Variants in CSMD3 observed in about 807,000 individuals in gnomAD.
The protein encoded by CSMD3 is CUB and sushi domain-containing protein 3.
In CSMD3, 177 loss-of-function variants were observed where a neutral mutation model predicts 435.2. The observed-to-expected ratio is 0.41, with a 90% confidence interval of 0.36 to 0.46. The LOEUF (loss-of-function observed/expected upper bound fraction) is 0.46, where lower values mean the gene tolerates loss of function less well. CSMD3 is among the 20% of genes least tolerant of loss of function. CSMD3 has a pLI of 0.34. For synonymous variants in CSMD3, 1,656 were observed against 1,520.5 expected (o/e 1.09, Z -2.07); for missense variants, 4,265 against 4,504.6 (o/e 0.95, Z 1.52).
chr8:113,387,158 A>G (rs922820429), intron 1 of CSMD3, among the ~76,000 whole-genome samples: 1 of 151,780 alleles, frequency 6.6e-6, no homozygotes, highest in African/African-American at 2.4e-5. Context: ...TTAATTGCAT[A>G]CATACTTGCT....
At chr8:112,747,268 GTTCAAAT>G (rs1174712451) in intron 13 of CSMD3, among the ~76,000 whole-genome samples, 1 of 121,944 alleles carries the variant, frequency 8.2e-6, no homozygotes, top group Non-Finnish European at 1.6e-5. Context: ...CCCTGGTGAA[GTTCAAAT>G]TTCAATATAC....
chr8:113,064,630 C>A (rs1310356111), intron 5 of CSMD3, among the ~76,000 whole-genome samples: 2 of 152,040 alleles, frequency 1.3e-5, no homozygotes, highest in Admixed American at 1.3e-4. Context: ...AAGATAAGGC[C>A]ACCCAGTGGT....
intron 13 of CSMD3, among the ~76,000 whole-genome samples, chr8:112,790,708 CT>C (rs1235484061): frequency 3.3e-5 from 5 of 152,128 alleles, no homozygotes; most frequent in Non-Finnish European, 7.4e-5. Flanking sequence ...AGTATAACCA[CT>C]TCAACATTTA....
At chr8:112,394,531 A>G (rs1586978184) in intron 35 of CSMD3, among the ~76,000 whole-genome samples, 1 of 152,104 alleles carries the variant, frequency 6.6e-6, no homozygotes, top group South Asian at 2.1e-4. Context: ...CTCATCTCCT[A>G]TCACTCTTTG....
Position 112,255,244 on chromosome 8 carries a change from TTAA to T in CSMD3, c.10036+7_10036+9del. On this transcript the variant is annotated splice_region_variant and intron_variant, in intron 62 of 70. Transcript: ENST00000297405. ...GTTACTGTGCATAATCAGCCTTTAATTAATATTACCTATGCAGTGAGGTGATGA... is the reference window on the plus strand; with the variant it reads ...GTTACTGTGCATAATCAGCCTTTAATTATTACCTATGCAGTGAGGTGATGA... 1 of 1,608,216 alleles carries T rather than the reference TTAA, an allele frequency of 6.2e-7. No homozygotes were observed.
intron 3 of CSMD3, among the ~76,000 whole-genome samples, chr8:113,263,097 G>C (rs1254329266): frequency 6.6e-6 from 1 of 152,028 alleles, no homozygotes; most frequent in Non-Finnish European, 1.5e-5. Context: ...AAAGGATAGT[G>C]AGTGAAGACT....
chr8:112,783,255 G>A (rs1379860373), intron 13 of CSMD3, among the ~76,000 whole-genome samples: 1 of 151,598 alleles, frequency 6.6e-6, no homozygotes, highest in African/African-American at 2.4e-5. Flanking sequence ...AATAAGTGCT[G>A]TTAATAGTTT....
intron 38 of CSMD3, among the ~76,000 whole-genome samples, chr8:112,372,987 T>TA (rs1828566199): frequency 1.7e-5 from 2 of 119,842 alleles, no homozygotes; most frequent in African/African-American, 5.3e-5. Flanking sequence ...ATATATATAT[T>TA]TATATTTTAT....
chr8:113,185,197 G>A (rs1253710753), intron 3 of CSMD3, among the ~76,000 whole-genome samples: 2 of 151,996 alleles, frequency 1.3e-5, no homozygotes, highest in African/African-American at 4.8e-5. Context: ...TAAGAATTAT[G>A]GCAGAAGGTT....
intron 45 of CSMD3, among the ~76,000 whole-genome samples, chr8:112,325,789 A>G (rs898253341): frequency 6.6e-5 from 10 of 152,100 alleles, no homozygotes; most frequent in African/African-American, 1.7e-4. Context: ...TTGAACACTG[A>G]AAAACTGGCA....
chr8:112,371,499 C>A (rs570169175), intron 38 of CSMD3, among the ~76,000 whole-genome samples: 6 of 152,168 alleles, frequency 3.9e-5, no homozygotes, highest in African/African-American at 1.4e-4. Context: ...TAAATGTCTC[C>A]CCCATCTCCT....
intron 30 of CSMD3, among the ~76,000 whole-genome samples, chr8:112,496,204 C>A (rs142512931): frequency 6.6e-6 from 1 of 152,096 alleles, no homozygotes; most frequent in African/African-American, 2.4e-5. Context: ...CTCCTGACCT[C>A]ATGATCCACC....
intron 4 of CSMD3, among the ~76,000 whole-genome samples, chr8:113,136,205 A>G (rs573768187): frequency 6.6e-6 from 1 of 151,926 alleles, no homozygotes; most frequent in South Asian, 2.1e-4. Flanking sequence ...GATGCTAAAA[A>G]GTTTTCTGAG....
At chr8:113,223,418 T>TTGTAACA (rs2092992101) in intron 3 of CSMD3, among the ~76,000 whole-genome samples, 1 of 150,720 alleles carries the variant, frequency 6.6e-6, no homozygotes, top group Admixed American at 6.6e-5. Context: ...GTTTCTTTAT[T>TTGTAACA]TGTAACATGA....
At chr8:113,422,047 C>A (rs1050179196) in intron 1 of CSMD3, among the ~76,000 whole-genome samples, 2 of 152,136 alleles carry the variant, frequency 1.3e-5, no homozygotes, top group African/African-American at 4.8e-5. Flanking sequence ...TTCTGGAACT[C>A]ACTTATCTCC....
chr8:112,928,438 G>C (rs1364723398), intron 9 of CSMD3, among the ~76,000 whole-genome samples: 2 of 152,052 alleles, frequency 1.3e-5, no homozygotes, highest in African/African-American at 4.8e-5. Flanking sequence ...AAAAATCCTT[G>C]CTATAATACC....
intron 10 of CSMD3, among the ~76,000 whole-genome samples, chr8:112,901,136 T>C (rs1231805483): frequency 1.3e-5 from 2 of 151,182 alleles, no homozygotes; most frequent in Non-Finnish European, 3.0e-5. Flanking sequence ...TAATGGCCAC[T>C]ATGGTAAGAA....
At chr8:112,917,554 AAG>A (rs1453374851) in intron 10 of CSMD3, among the ~76,000 whole-genome samples, 10 of 151,938 alleles carry the variant, frequency 6.6e-5, no homozygotes, top group Non-Finnish European at 1.3e-4. Context: ...TGGAAATCAA[AAG>A]AGTTAACAAT....
chr8:113,126,067 A>C (rs1033383866), intron 4 of CSMD3, among the ~76,000 whole-genome samples: 2 of 152,026 alleles, frequency 1.3e-5, no homozygotes, highest in Non-Finnish European at 2.9e-5. Flanking sequence ...TCTCCATTTT[A>C]ATACTAACGC....
Sources: gnomAD v4.1 joint callset for allele counts (sites outside exome capture counted in the v4.1 genomes callset) on GRCh38, gnomAD v4.1.1 for gene constraint, MANE v1.5 for transcripts, NCBI Gene and HGNC (gene_info 2026-07-23, HGNC 2026-07-21) for gene names.